Variants in ZNF433 observed in about 807,000 individuals in gnomAD.
ZNF433 encodes the protein zinc finger protein 433.
A neutral mutation model predicts 10.6 loss-of-function variants in ZNF433; 12 were observed. That is an observed-to-expected ratio of 1.13 (90% CI 0.72 to 1.83). The LOEUF (loss-of-function observed/expected upper bound fraction) is 1.83. Among genes scored for constraint, ZNF433 ranks in the 40% most tolerant of loss-of-function variants. The probability of loss-of-function intolerance (pLI) is 0.00; values close to 1 mark genes in which losing one functional copy is unlikely to be tolerated. For synonymous variants in ZNF433, 272 were observed against 271.3 expected, an observed-to-expected ratio of 1.00 and a Z score of -0.02; for missense variants, 737 against 798.0, an observed-to-expected ratio of 0.92 and a Z score of 0.92.
rs758362373 is a variant in ZNF433 at position 12,016,445 on chromosome 19, G to A, written c.413C>T (p.Pro138Leu). Residue 138 changes from proline (P) to leucine (L), a missense_variant, in exon 4 of 4, where the codon CCA becomes CTA. Coordinates refer to ENST00000550507, the MANE Select transcript of ZNF433 (RefSeq NM_001308348.2). ...TTTTTTACAGTATTTACATTTATAT[G>A]GTTTCTGTCCATATTCTTGATACTC... ...AYEYQEYGQK[P>L]YKCKYCKKPF... 5.3e-5 allele frequency: 86 copies of A among 1,613,976 alleles called. No homozygotes were observed. The highest frequency in any genetic ancestry group is 7.2e-5 in the Non-Finnish European group (85 of 1,180,026).
At chr19:12,029,612 A>T (rs1041494132) in intron 1 of ZNF433, among the ~76,000 whole-genome samples, 1 of 149,046 alleles carries the variant, frequency 6.7e-6, no homozygotes, top group Non-Finnish European at 1.5e-5. Flanking sequence ...GCATTTTCCC[A>T]CTCCAAATCA....
chr19:12,022,062 C>CAAA (rs1395182872), intron 1 of ZNF433: 5 of 453,328 alleles, frequency 1.1e-5, no homozygotes, highest in Non-Finnish European at 2.2e-5. Flanking sequence ...TGGCCATAAA[C>CAAA]AAAATCTCTG....
At chr19:12,026,582 A>G (rs1275218397) in intron 1 of ZNF433, 18 of 406,666 alleles carry the variant, frequency 4.4e-5, no homozygotes, top group South Asian at 3.1e-4. Context: ...TGACACAGTT[A>G]CACATGCTTT....
rs1293953591 is a variant in ZNF433, at chr19:12,016,628, T to C, written c.230A>G (p.His77Arg). 3 of 1,614,178 alleles carry C rather than the reference T, an allele frequency of 1.9e-6. No individual in the cohort carries two copies. The highest frequency in any genetic ancestry group is 1.7e-5 in the Admixed American group (1 of 60,018). Residue 77 changes from histidine to arginine, a missense_variant, in exon 4 of 4, where the codon CAT becomes CGT. Coordinates refer to ENST00000550507, the MANE Select transcript of ZNF433 (RefSeq NM_001308348.2). The stretch of plus-strand genomic sequence containing the variant: ...CTGGGTCAAAATTTCTCCATGCTGA[T>C]GACCTTCTTTACTTTCAAAGAGTCT... ...GERLFESKEG[H>R]QHGEILTQVP...
At chr19:12,031,310 A>C (rs1301124099) in intron 1 of ZNF433, among the ~76,000 whole-genome samples, 2 of 128,828 alleles carry the variant, frequency 1.6e-5, no homozygotes, top group Non-Finnish European at 3.0e-5. Flanking sequence ...AAAAAAAAAA[A>C]CAAAACAAAA....
At chr19:12,027,248 G>A (rs1974784854) in intron 1 of ZNF433, 1 of 365,592 alleles carries the variant, frequency 2.7e-6, no homozygotes. Flanking sequence ...TGTTGTCTTT[G>A]TATAGTCTGC....
chr19:12,026,672 T>C (rs1373805436), intron 1 of ZNF433: 2 of 453,888 alleles, frequency 4.4e-6, no homozygotes, highest in Non-Finnish European at 8.8e-6. Context: ...TAAACAGGAT[T>C]GGACCTGGTC....
rs1382923387 is a variant in ZNF433 at position 12,035,527 on chromosome 19, G to A, written c.3+10C>T. On this transcript the variant is annotated intron_variant, in intron 1 of 3. Transcript: ENST00000550507. ...TCCCCCGCCTCGGGACCCCTGGCCC[G>A]CACGCTCACCATTTCTTGCCTTTCA... 3.8e-6 allele frequency: 6 copies of A among 1,571,518 alleles called. No individual in the cohort carries two copies. The South Asian group carries it at 4.7e-5, about 12-fold the overall frequency.
At chr19:12,016,715 T>A (rs1351434225) in intron 3 of ZNF433, 49 bp from the exon 4 acceptor site, 4 of 1,572,580 alleles carry the variant, frequency 2.5e-6, no homozygotes, top group Non-Finnish European at 3.4e-6. Context: ...ATCAGTGATT[T>A]TATATTCATT....
At chr19:12,029,944 C>T (rs149393725) in intron 1 of ZNF433, among the ~76,000 whole-genome samples, 2,895 of 151,276 alleles carry the variant, frequency 0.019, 112 homozygotes, top group African/African-American at 0.066. Flanking sequence ...TAGCTGGGCA[C>T]GGTAGCAGGC....
chr19:12,035,346 G>A (rs1162933949), intron 1 of ZNF433, among the ~76,000 whole-genome samples, 191 bp downstream of exon 1: 1 of 152,200 alleles, frequency 6.6e-6, no homozygotes, highest in African/African-American at 2.4e-5. Context: ...GACAGGACGA[G>A]ACGCCCGGGT....
intron 1 of ZNF433, among the ~76,000 whole-genome samples, chr19:12,019,563 G>A (rs1490676840): frequency 2.6e-5 from 4 of 152,138 alleles, no homozygotes; most frequent in African/African-American, 7.2e-5. Flanking sequence ...GTATTTTCCT[G>A]TATCCCACTT....
intron 1 of ZNF433, among the ~76,000 whole-genome samples, chr19:12,029,765 TTCTC>T (rs972172369): frequency 2.1e-4 from 32 of 151,616 alleles, no homozygotes; most frequent in Non-Finnish European, 2.9e-4. Context: ...TGTTTCCTCT[TTCTC>T]TCTGTCATGT....
At chr19:12,018,416 A>T (rs1461637998) in intron 1 of ZNF433, 124 bp from the exon 2 acceptor site, 2 of 1,146,410 alleles carry the variant, frequency 1.7e-6, no homozygotes, top group African/African-American at 3.2e-5. Context: ...TGACCATCAG[A>T]CCTCATACTC....
intron 1 of ZNF433, among the ~76,000 whole-genome samples, chr19:12,033,654 C>T (rs889792847): frequency 2.4e-4 from 36 of 151,946 alleles, no homozygotes; most frequent in African/African-American, 7.0e-4. Flanking sequence ...AACCCCGTCT[C>T]TACTAAAAAT....
At chr19:12,031,445 T>A (rs1029694931) in intron 1 of ZNF433, among the ~76,000 whole-genome samples, 6 of 151,860 alleles carry the variant, frequency 4.0e-5, no homozygotes, top group African/African-American at 1.5e-4. Context: ...ATGTCAGGAA[T>A]TCAAGATCAG....
chr19:12,030,136 T>G, intron 1 of ZNF433: 1 of 426,728 alleles, frequency 2.3e-6, no homozygotes, highest in Non-Finnish European at 4.6e-6. Flanking sequence ...AAGCAGGCTC[T>G]TACCAGGCAC....
intron 1 of ZNF433, chr19:12,034,952 T>A: frequency 2.2e-6 from 1 of 453,406 alleles, no homozygotes; most frequent in Non-Finnish European, 4.4e-6. Context: ...TTTCCTCAGC[T>A]GAGGCCTCTC....
intron 1 of ZNF433, among the ~76,000 whole-genome samples, chr19:12,020,654 C>T (rs905096104): frequency 6.6e-6 from 1 of 152,044 alleles, no homozygotes; most frequent in Non-Finnish European, 1.5e-5. Flanking sequence ...CGGTGGCTCA[C>T]GCCTGTAATC....
Sources: allele counts gnomAD v4.1 joint callset (sites outside exome capture counted in the v4.1 genomes callset), GRCh38; gene constraint gnomAD v4.1.1; transcripts MANE v1.5; gene names NCBI Gene and HGNC (gene_info 2026-07-23, HGNC 2026-07-21).